Variants in PALD1 observed in about 807,000 individuals in gnomAD.
PALD1 encodes the protein paladin.
In PALD1, 57 loss-of-function variants were observed where a neutral mutation model predicts 96.0. That is an observed-to-expected ratio of 0.59 (90% CI 0.48 to 0.74). PALD1 has a LOEUF of 0.74. Among genes scored for constraint, PALD1 ranks in the 30% least tolerant of loss-of-function variants. The pLI is 0.00. For missense variants in PALD1, 1,063 were observed against 1,143.7 expected (o/e 0.93, Z 1.02); for synonymous variants, 464 against 473.6 (o/e 0.98, Z 0.26).
At chr10:70,550,493 T>C in intron 18 of PALD1, among the ~76,000 whole-genome samples, 1 of 152,338 alleles carries the variant, frequency 6.6e-6, no homozygotes, top group Non-Finnish European at 1.5e-5. Flanking sequence ...ATACAATTCA[T>C]GTGCCATGCA....
intron 1 of PALD1, among the ~76,000 whole-genome samples, chr10:70,512,607 G>C (rs1846535212): frequency 1.3e-5 from 2 of 152,282 alleles, no homozygotes. Flanking sequence ...CAAGGGCCAA[G>C]CTCATTCATA....
chr10:70,501,766 G>A (rs1846299521), intron 1 of PALD1, among the ~76,000 whole-genome samples: 1 of 151,126 alleles, frequency 6.6e-6, no homozygotes, highest in Admixed American at 6.6e-5. Context: ...AGATAAGTAC[G>A]GTTCACCATT....
chr10:70,556,992 A>T lies in PALD1; in HGVS notation c.2263-7372A>T, dbSNP rs536402117. On this transcript the variant is annotated intron_variant, in intron 18 of 19. Coordinates refer to ENST00000263563, the MANE Select transcript of PALD1 (RefSeq NM_014431.3). ...TCTTTCTAGTGAGTGGATGGAGGGA[A>T]GGTTGAGTAAATCATTGCATAAATA... 2.6e-5 allele frequency among the ~76,000 whole-genome samples: 4 copies of T among 152,318 alleles called. No individual in the cohort carries two copies. In the South Asian group the frequency reaches 8.3e-4, roughly 32 times the overall value.
intron 17 of PALD1, among the ~76,000 whole-genome samples, chr10:70,544,086 T>C (rs927783928): frequency 2.0e-5 from 3 of 152,028 alleles, no homozygotes; most frequent in African/African-American, 7.3e-5. Flanking sequence ...CCACAGTCTG[T>C]TGGGGAGAAA....
intron 1 of PALD1, among the ~76,000 whole-genome samples, chr10:70,507,756 T>C (rs879672192): frequency 0.04 from 2,594 of 65,348 alleles, 40 homozygotes; most frequent in African/African-American, 0.073. Context: ...TGTGCGTGTG[T>C]GTGTGTGTGT....
At chr10:70,522,278 C>T (rs1480133091) in intron 1 of PALD1, among the ~76,000 whole-genome samples, 1 of 152,164 alleles carries the variant, frequency 6.6e-6, no homozygotes, top group African/African-American at 2.4e-5. Context: ...TTTTATAAGG[C>T]AAGGTCAGGC....
At chr10:70,534,342 G>A (rs1394136240) in intron 8 of PALD1, 83 bp from the exon 9 acceptor site, 22 of 921,302 alleles carry the variant, frequency 2.4e-5, no homozygotes, top group Admixed American at 1.1e-4. Flanking sequence ...GTCCCCCAGC[G>A]GCCATATGAG....
chr10:70,482,048 G>A (rs1254238986), intron 1 of PALD1, among the ~76,000 whole-genome samples: 1 of 152,156 alleles, frequency 6.6e-6, no homozygotes, highest in Non-Finnish European at 1.5e-5. Context: ...ATGTGGCGGT[G>A]GGGGCCTTTG....
intron 1 of PALD1, among the ~76,000 whole-genome samples, chr10:70,514,353 GTTTTTAAC>G (rs1564692401): frequency 6.6e-6 from 1 of 152,186 alleles, no homozygotes; most frequent in Admixed American, 6.5e-5. Context: ...TCTAATTTCT[GTTTTTAAC>G]TTTTAAACTA....
At chr10:70,487,700 A>AAC (rs553002878) in intron 1 of PALD1, among the ~76,000 whole-genome samples, 148 of 152,142 alleles carry the variant, frequency 9.7e-4, no homozygotes, top group African/African-American at 3.3e-3. Context: ...TTTCTTTAAA[A>AAC]AAAAAAACAA....
At chr10:70,558,682 CAAATTCTTGTAAGAATTTGCTA>C (rs924987079) in intron 18 of PALD1, among the ~76,000 whole-genome samples, 15 of 142,924 alleles carry the variant, frequency 1.0e-4, no homozygotes, top group South Asian at 7.2e-4. Flanking sequence ...AGAATTTTAG[CAAATTCTTGTAAGAATTTGCTA>C]AAATTCTTCT....
chr10:70,535,942 C>T (rs1847106846), intron 10 of PALD1, among the ~76,000 whole-genome samples: 2 of 152,176 alleles, frequency 1.3e-5, no homozygotes, highest in African/African-American at 2.4e-5. Context: ...CCTGCCTTGG[C>T]CTCCCAAAAC....
At chr10:70,535,107 G>T (rs1847082181) in intron 10 of PALD1, among the ~76,000 whole-genome samples, 1 of 152,204 alleles carries the variant, frequency 6.6e-6, no homozygotes, top group African/African-American at 2.4e-5. Flanking sequence ...GGCCAGGGCT[G>T]CAGGGGCCCC....
chr10:70,486,856 C>T (rs1488952935), intron 1 of PALD1, among the ~76,000 whole-genome samples: 1 of 152,204 alleles, frequency 6.6e-6, no homozygotes, highest in Admixed American at 6.5e-5. Context: ...GTGCTCCCTC[C>T]CTTCCTCCCG....
intron 1 of PALD1, among the ~76,000 whole-genome samples, chr10:70,489,895 A>T (rs577840159): frequency 3.6e-4 from 55 of 152,268 alleles, no homozygotes; most frequent in African/African-American, 1.3e-3. Context: ...AAATCATACA[A>T]CATATGGGTT....
At chr10:70,481,545 A>G (rs928447813) in intron 1 of PALD1, among the ~76,000 whole-genome samples, 1 of 152,190 alleles carries the variant, frequency 6.6e-6, no homozygotes, top group Non-Finnish European at 1.5e-5. Context: ...TTTGATTCTC[A>G]TCTTCCCTGG....
chr10:70,531,141 T>G, intron 4 of PALD1, 149 bp from the exon 5 acceptor site: 1 of 650,678 alleles, frequency 1.5e-6, no homozygotes, highest in South Asian at 2.1e-5. Flanking sequence ...GGACTGAGCT[T>G]TGTTTCTTGG....
At chr10:70,520,334 G>A (rs1445827210) in intron 1 of PALD1, among the ~76,000 whole-genome samples, 2 of 152,140 alleles carry the variant, frequency 1.3e-5, no homozygotes, top group Non-Finnish European at 2.9e-5. Context: ...CTTTAGATTC[G>A]AGGTGGGGAA....
At chr10:70,561,474 A>G (rs550813407) in intron 18 of PALD1, among the ~76,000 whole-genome samples, 1 of 152,342 alleles carries the variant, frequency 6.6e-6, no homozygotes, top group Middle Eastern at 3.4e-3. Flanking sequence ...ATTGTGGCGC[A>G]GACCGTCCAT....
Sources: allele counts gnomAD v4.1 joint callset (sites outside exome capture counted in the v4.1 genomes callset), GRCh38; gene constraint gnomAD v4.1.1; transcripts MANE v1.5; gene names NCBI Gene and HGNC (gene_info 2026-07-23, HGNC 2026-07-21).